Variants in LRP1B observed in about 807,000 individuals in gnomAD.
The protein encoded by LRP1B is LDL receptor related protein 1B.
LRP1B carries 217 observed loss-of-function variants against 556.6 expected under a neutral mutation model. That is an observed-to-expected ratio of 0.39 (90% CI 0.35 to 0.44). The LOEUF (loss-of-function observed/expected upper bound fraction) is 0.44. LRP1B is among the 20% of genes least tolerant of loss of function. The pLI, the probability that LRP1B is intolerant of heterozygous loss-of-function variation, is 1.00. For synonymous variants in LRP1B, 2,047 were observed against 1,865.8 expected (o/e 1.10, Z -2.50); for missense variants, 5,053 against 5,620.8 (o/e 0.90, Z 3.23).
intron 1 of LRP1B, among the ~76,000 whole-genome samples, chr2:142,120,246 G>C (rs528546687): frequency 2.8e-4 from 43 of 152,238 alleles, no homozygotes; most frequent in Admixed American, 3.3e-4. Context: ...TGAGTAGCTG[G>C]GACTACAGGC....
chr2:140,391,524 T>G (rs976486535), intron 66 of LRP1B, among the ~76,000 whole-genome samples: 1 of 152,162 alleles, frequency 6.6e-6, no homozygotes, highest in Non-Finnish European at 1.5e-5. Flanking sequence ...CATTTTGTTT[T>G]AATTAAAATT....
intron 66 of LRP1B, among the ~76,000 whole-genome samples, chr2:140,418,469 G>A (rs1365563627): frequency 6.6e-6 from 1 of 152,118 alleles, no homozygotes; most frequent in African/African-American, 2.4e-5. Context: ...GTATGTTTGA[G>A]AAAGCTTCAA....
At chr2:141,044,112 G>A (rs1429363963) in intron 11 of LRP1B, among the ~76,000 whole-genome samples, 6 of 151,632 alleles carry the variant, frequency 4.0e-5, no homozygotes, top group South Asian at 4.2e-4. Context: ...CAGAAATAAC[G>A]CCGCATATCT....
intron 3 of LRP1B, among the ~76,000 whole-genome samples, chr2:141,329,164 G>A (rs1451636993): frequency 6.6e-6 from 1 of 152,076 alleles, no homozygotes; most frequent in Admixed American, 6.5e-5. Context: ...GAGGTGGGTG[G>A]ATCACCTGAG....
chr2:141,365,482 GTT>G (rs34195312), intron 3 of LRP1B, among the ~76,000 whole-genome samples: 64,770 of 138,222 alleles, frequency 0.47, 14,597 homozygotes, highest in Non-Finnish European at 0.55. Context: ...GCTTAGAAGT[GTT>G]TTTTTTTTTT....
At chr2:141,384,128 G>T (rs1689743891) in intron 3 of LRP1B, among the ~76,000 whole-genome samples, 1 of 151,958 alleles carries the variant, frequency 6.6e-6, no homozygotes, top group South Asian at 2.1e-4. Context: ...TTTTTAAAAG[G>T]TGAAAGGTCA....
intron 2 of LRP1B, among the ~76,000 whole-genome samples, chr2:141,765,958 G>A (rs1694719674): frequency 2.0e-5 from 3 of 152,128 alleles, no homozygotes; most frequent in Admixed American, 1.3e-4. Flanking sequence ...CCGAGTTAAT[G>A]TCATTTTCAG....
At chr2:141,016,743 G>T (rs1321177906) in intron 12 of LRP1B, among the ~76,000 whole-genome samples, 1 of 152,086 alleles carries the variant, frequency 6.6e-6, no homozygotes, top group Non-Finnish European at 1.5e-5. Context: ...TCATGTGAAA[G>T]TTCCTGAGTT....
chr2:141,139,349 A>G (rs969583579), intron 7 of LRP1B, among the ~76,000 whole-genome samples: 1 of 151,954 alleles, frequency 6.6e-6, no homozygotes, highest in Non-Finnish European at 1.5e-5. Context: ...AAAAAAAATG[A>G]TAAACTTCAT....
rs2105223350 is a variant in LRP1B, at chr2:140,903,102, A to G, written c.3584T>C (p.Ile1195Thr). The G allele has an allele frequency of 6.2e-7, 1 of 1,613,524 alleles. No homozygotes were observed. The highest frequency in any genetic ancestry group is 8.5e-7 in the Non-Finnish European group (1 of 1,179,660). The change falls in exon 23 of 91, where the codon ATT (isoleucine) becomes ACT (threonine). Residue 1195 changes from isoleucine (I) to threonine (T), a missense_variant. Physicochemically the swap from Ile to Thr is moderately conservative, Grantham distance 89. Around this residue, in one of 5 missense-constraint regions of LRP1B, gnomAD observed 3,619 missense variants for 3,931.9 expected, o/e 0.92. Coordinates refer to ENST00000389484, the MANE Select transcript of LRP1B (RefSeq NM_018557.3). ...NHCSVVPGRG[I>T]VCSCPEGLQL... ...AAGTCCTTCAGGGCAGGAACAGACAATTCCTCTTCCAGGAACAACAGAACA... is the reference window on the plus strand; with the variant it reads ...AAGTCCTTCAGGGCAGGAACAGACAGTTCCTCTTCCAGGAACAACAGAACA...
At chr2:141,653,655 G>A (rs901179691) in intron 2 of LRP1B, among the ~76,000 whole-genome samples, 3 of 152,092 alleles carry the variant, frequency 2.0e-5, no homozygotes, top group Middle Eastern at 3.2e-3. Context: ...CAAGCTATAC[G>A]AGGTGGTTTT....
intron 7 of LRP1B, among the ~76,000 whole-genome samples, chr2:141,107,290 A>G (rs1416840753): frequency 1.3e-5 from 2 of 152,200 alleles, no homozygotes; most frequent in Non-Finnish European, 2.9e-5. Flanking sequence ...TATGCACTAT[A>G]TAATTTTCAA....
chr2:140,293,121 T>C (rs1683460067), intron 84 of LRP1B, among the ~76,000 whole-genome samples: 1 of 152,216 alleles, frequency 6.6e-6, no homozygotes, highest in African/African-American at 2.4e-5. Flanking sequence ...CAGAGGACTT[T>C]GAAAGTATCA....
At chr2:140,815,583 AG>A (rs1180257174) in intron 31 of LRP1B, among the ~76,000 whole-genome samples, 1 of 152,188 alleles carries the variant, frequency 6.6e-6, no homozygotes, top group Non-Finnish European at 1.5e-5. Flanking sequence ...GACTGGCCAC[AG>A]GGCTACTGTG....
chr2:141,743,724 A>G (rs1429855009), intron 2 of LRP1B, among the ~76,000 whole-genome samples: 4 of 151,958 alleles, frequency 2.6e-5, no homozygotes, highest in Non-Finnish European at 4.4e-5. Flanking sequence ...TCATGGCTCA[A>G]TCTTGGTATG....
intron 2 of LRP1B, among the ~76,000 whole-genome samples, chr2:141,667,724 T>G (rs533577600): frequency 2.7e-4 from 41 of 152,328 alleles, no homozygotes; most frequent in Middle Eastern, 3.4e-3. Context: ...CATCACATTT[T>G]GGTAAGTTAG....
chr2:140,545,057 C>A (rs1226975304), intron 43 of LRP1B, among the ~76,000 whole-genome samples: 1 of 150,978 alleles, frequency 6.6e-6, no homozygotes, highest in African/African-American at 2.4e-5. Flanking sequence ...TCATGTTGAG[C>A]TTTTTTTCAT....
intron 86 of LRP1B, among the ~76,000 whole-genome samples, chr2:140,264,134 T>G (rs550294181): frequency 6.6e-6 from 1 of 151,848 alleles, no homozygotes. Context: ...ATGTGTCTGA[T>G]ACTTCCCTCT....
Position 140,600,748 on chromosome 2 carries a change from C to T in LRP1B, c.6989+702G>A, listed in dbSNP as rs140896043. 5.3e-3 allele frequency among the ~76,000 whole-genome samples: 534 copies of T among 100,956 alleles called. 2 individuals are homozygous for T. In the Middle Eastern group the frequency reaches 0.056, roughly 11 times the overall value. 66.2% of individuals were successfully genotyped at this position (100,956 alleles called of 152,430 possible). A position where few individuals can be genotyped will look rare whatever the true frequency, so the allele number is the denominator to read the frequency against. On this transcript the variant is annotated intron_variant, in intron 42 of 90. Transcript: ENST00000389484. The stretch of plus-strand genomic sequence containing the variant: ...AGATAGGTATTTTTTTGTTCCTTAC[C>T]TGTGCTTTGTTCTTCGGGGTTTTTT...
Sources: gnomAD v4.1 joint callset for allele counts (sites outside exome capture counted in the v4.1 genomes callset) on GRCh38, gnomAD v4.1.1 for gene constraint, gnomAD v4.1.1 regional missense constraint, MANE v1.5 for transcripts, NCBI Gene and HGNC (gene_info 2026-07-23, HGNC 2026-07-21) for gene names.